The following PHYHIPL variants were observed in gnomAD, a reference collection of about 807,000 sequenced individuals.
The protein encoded by PHYHIPL is phytanoyl-CoA hydroxylase-interacting protein-like.
Under a neutral mutation model 33.4 loss-of-function variants are expected in PHYHIPL, and 9 were observed. That is an observed-to-expected ratio of 0.27 (90% confidence interval 0.16 to 0.47). The LOEUF is 0.47. PHYHIPL is among the 20% of genes least tolerant of loss of function. PHYHIPL has a pLI of 0.99. For missense variants in PHYHIPL, 365 were observed against 460.7 expected (o/e 0.79, Z 1.90); for synonymous variants, 153 against 154.1 (o/e 0.99, Z 0.05).
upstream of PHYHIPL, chr10:59,176,631 GCT>G (rs1415983599): frequency 4.7e-6 from 2 of 426,646 alleles, no homozygotes; most frequent in Admixed American, 9.0e-5. Flanking sequence ...GCCGGGTCCT[GCT>G]CGGTCTCTCA....
chr10:59,229,845 T>TA (rs1840026757), intron 1 of PHYHIPL, among the ~76,000 whole-genome samples: 1 of 150,676 alleles, frequency 6.6e-6, no homozygotes, highest in African/African-American at 2.4e-5. Context: ...CAGCCATTGT[T>TA]ACAGGCGCAT....
chr10:59,177,310 A>C, intron 1 of PHYHIPL: 4 of 671,256 alleles, frequency 6.0e-6, no homozygotes, highest in Non-Finnish European at 9.6e-6. Flanking sequence ...GTCTCTGGGC[A>C]CTGAAGGGGA....
Position 59,247,447 on chromosome 10 carries a change from CT to C in PHYHIPL, c.*1858del. On this transcript the variant is annotated 3_prime_UTR_variant, in exon 5 of 5. Transcript: ENST00000373880. ...TGTATTCTTCCCCCCGTTTAAATCC[CT>C]TCTCCTTGTATATAATTAAACTTGC... The C allele has an allele frequency of 1.3e-6, 1 of 793,916 alleles. No homozygotes were observed. Among genetic ancestry groups the C allele is most frequent in the Non-Finnish European group, 2.0e-6 (1 of 498,858 alleles). The allele number at this position is 793,916 out of a possible 1,614,324, so 49.2% of individuals were successfully genotyped here.
upstream of PHYHIPL, among the ~76,000 whole-genome samples, chr10:59,175,902 G>GCGTGGCTGCTGGTCC (rs1408506591): frequency 1.3e-5 from 2 of 152,226 alleles, no homozygotes; most frequent in South Asian, 4.1e-4. Context: ...AAGGCAGACT[G>GCGTGGCTGCTGGTCC]CGTGGCTGCT....
intron 1 of PHYHIPL, among the ~76,000 whole-genome samples, chr10:59,209,125 G>A (rs1456895375): frequency 1.3e-5 from 2 of 151,990 alleles, no homozygotes; most frequent in African/African-American, 2.4e-5. Flanking sequence ...ACACATAATT[G>A]TCAGATTCAC....
At chr10:59,183,276 G>A (rs987189682) in intron 1 of PHYHIPL, among the ~76,000 whole-genome samples, 2 of 152,122 alleles carry the variant, frequency 1.3e-5, no homozygotes, top group Admixed American at 1.3e-4. Context: ...AGCTATCTCC[G>A]TAAAGAGATT....
intron 1 of PHYHIPL, among the ~76,000 whole-genome samples, chr10:59,223,303 G>C (rs1023029248): frequency 1.3e-5 from 2 of 152,326 alleles, no homozygotes; most frequent in East Asian, 3.9e-4. Context: ...TCTTGGATCA[G>C]TCTTGCAATT....
chr10:59,183,929 A>G (rs1484312435), intron 1 of PHYHIPL, among the ~76,000 whole-genome samples: 1 of 152,212 alleles, frequency 6.6e-6, no homozygotes, highest in African/African-American at 2.4e-5. Context: ...GCCAATAAAA[A>G]CAAGGCATAA....
intron 1 of PHYHIPL, among the ~76,000 whole-genome samples, chr10:59,213,765 A>C (rs556501379): frequency 6.6e-6 from 1 of 152,330 alleles, no homozygotes; most frequent in Admixed American, 6.5e-5. Context: ...TTTAAACAAA[A>C]AACAAAAAAC....
chr10:59,195,173 A>G (rs1179635634), intron 1 of PHYHIPL, among the ~76,000 whole-genome samples: 1 of 150,048 alleles, frequency 6.7e-6, no homozygotes, highest in Admixed American at 6.6e-5. Flanking sequence ...CTAGAATTTA[A>G]TTGCTTTTAA....
chr10:59,231,880 C>T (rs1840090815), intron 1 of PHYHIPL, among the ~76,000 whole-genome samples: 1 of 151,888 alleles, frequency 6.6e-6, no homozygotes, highest in African/African-American at 2.4e-5. Context: ...CGATCGTATG[C>T]AGTAAGTAAA....
intron 1 of PHYHIPL, among the ~76,000 whole-genome samples, chr10:59,226,868 GA>G (rs1363161109): frequency 6.6e-5 from 10 of 151,914 alleles, no homozygotes; most frequent in Non-Finnish European, 1.2e-4. Flanking sequence ...TCCATATAGT[GA>G]AAGACAGAAA....
chr10:59,234,035 A>G (rs1331036799), intron 1 of PHYHIPL, among the ~76,000 whole-genome samples: 1 of 151,758 alleles, frequency 6.6e-6, no homozygotes, highest in Non-Finnish European at 1.5e-5. Flanking sequence ...TTTAGAGCAA[A>G]ATTGATTGGT....
Position 59,236,620 on chromosome 10 carries a change from G to A in PHYHIPL, c.441G>A (p.Val147=), listed in dbSNP as rs773415835. The part of the protein sequence containing the change: ...ASKQVDGDYV[V]SEWSEIIEFC... ...AACAAGTTGATGGTGATTATGTTGT[G>A]TCTGAATGGAGTGAAATTATAGAAT... Residue 147 remains valine (V), a synonymous_variant, in exon 3 of 5, where the codon GTG becomes GTA. Coordinates refer to ENST00000373880, the MANE Select transcript of PHYHIPL (RefSeq NM_032439.4). The A allele has an allele frequency of 7.5e-6, 12 of 1,607,318 alleles. No homozygotes were observed. The highest frequency in any genetic ancestry group is 5.1e-5 in the Admixed American group (3 of 59,332).
At chr10:59,188,636 G>C (rs1838690288) in intron 1 of PHYHIPL, among the ~76,000 whole-genome samples, 1 of 152,194 alleles carries the variant, frequency 6.6e-6, no homozygotes, top group African/African-American at 2.4e-5. Context: ...CTTGCTTTAT[G>C]AATCTGGATG....
intron 1 of PHYHIPL, among the ~76,000 whole-genome samples, chr10:59,214,329 A>C (rs146369557): frequency 1.3e-5 from 2 of 152,216 alleles, no homozygotes; most frequent in Non-Finnish European, 2.9e-5. Flanking sequence ...AAAGATCCCT[A>C]AAATTTAAAG....
At chr10:59,193,248 A>G (rs1218385832) in intron 1 of PHYHIPL, among the ~76,000 whole-genome samples, 1 of 152,174 alleles carries the variant, frequency 6.6e-6, no homozygotes, top group Non-Finnish European at 1.5e-5. Context: ...AACATGGAAG[A>G]AATACAATTA....
At chr10:59,173,927 T>C, upstream of PHYHIPL, among the ~76,000 whole-genome samples, 1 of 85,818 alleles carries the variant, frequency 1.2e-5, no homozygotes, top group Non-Finnish European at 2.1e-5. Flanking sequence ...TGAGGTTTTT[T>C]TTTTTTTTTT....
At chr10:59,192,883 T>C (rs139972344) in intron 1 of PHYHIPL, among the ~76,000 whole-genome samples, 157 of 152,280 alleles carry the variant, frequency 1.0e-3, no homozygotes, top group African/African-American at 3.6e-3. Flanking sequence ...ATTACAGTTC[T>C]TTCTGGACCA....
Sources: allele counts gnomAD v4.1 joint callset (sites outside exome capture counted in the v4.1 genomes callset), GRCh38; gene constraint gnomAD v4.1.1; transcripts MANE v1.5; gene names NCBI Gene and HGNC (gene_info 2026-07-23, HGNC 2026-07-21).